Variants in CYP4Z1 observed in about 807,000 individuals in gnomAD.
The protein encoded by CYP4Z1 is cytochrome P450 family 4 subfamily Z member 1.
Under a neutral mutation model 54.2 loss-of-function variants are expected in CYP4Z1, and 41 were observed. The observed-to-expected ratio is 0.76, with a 90% CI of 0.59 to 0.98. The LOEUF is 0.98. CYP4Z1 is among the 50% of genes least tolerant of loss of function. The pLI is 0.00. For synonymous variants in CYP4Z1, 163 were observed against 206.2 expected (o/e 0.79, Z 1.79); for missense variants, 513 against 599.0 (o/e 0.86, Z 1.50).
chr1:47,082,230 A>C, intron 3 of CYP4Z1, 104 bp from the exon 4 acceptor site: 1 of 1,403,626 alleles, frequency 7.1e-7, no homozygotes, highest in Non-Finnish European at 9.6e-7. Flanking sequence ...TGTCCACTCT[A>C]ACTTTTCTCC....
chr1:47,113,583 A>G (rs1194183772), intron 9 of CYP4Z1, among the ~76,000 whole-genome samples: 1 of 152,232 alleles, frequency 6.6e-6, no homozygotes, highest in Non-Finnish European at 1.5e-5. Flanking sequence ...TATGAAATCT[A>G]TGAATAGATG....
At chr1:47,115,270 G>C (rs566916723) in intron 9 of CYP4Z1, among the ~76,000 whole-genome samples, 1 of 152,162 alleles carries the variant, frequency 6.6e-6, no homozygotes, top group Admixed American at 6.5e-5. Flanking sequence ...CACAGGAAGG[G>C]GAACATCACA....
At chr1:47,104,519 A>G (rs1300902560) in intron 8 of CYP4Z1, among the ~76,000 whole-genome samples, 2 of 152,194 alleles carry the variant, frequency 1.3e-5, no homozygotes, top group African/African-American at 4.8e-5. Context: ...ATGTCGGACA[A>G]CCTGCTTGAT....
At chr1:47,074,505 G>C (rs1211708849) in intron 2 of CYP4Z1, among the ~76,000 whole-genome samples, 1 of 152,104 alleles carries the variant, frequency 6.6e-6, no homozygotes, top group Non-Finnish European at 1.5e-5. Context: ...TTCCCCCTTT[G>C]GTACATTTTT....
chr1:47,078,203 T>C (rs1048437023), intron 2 of CYP4Z1, among the ~76,000 whole-genome samples: 2 of 152,182 alleles, frequency 1.3e-5, no homozygotes, highest in Non-Finnish European at 2.9e-5. Context: ...ACAGGTCTCT[T>C]AGGACCATTT....
intron 6 of CYP4Z1, among the ~76,000 whole-genome samples, chr1:47,087,063 TG>T (rs1480560532): frequency 6.6e-6 from 1 of 152,220 alleles, no homozygotes; most frequent in Non-Finnish European, 1.5e-5. Flanking sequence ...ATCTCTGTTT[TG>T]GTACCAGTAT....
intron 9 of CYP4Z1, among the ~76,000 whole-genome samples, chr1:47,112,561 A>G (rs1016479432): frequency 1.3e-5 from 2 of 152,210 alleles, no homozygotes; most frequent in African/African-American, 4.8e-5. Context: ...GATAAAAATC[A>G]CTTATGTATA....
Position 47,084,502 on chromosome 1 carries a change from A to G in CYP4Z1, c.493-118A>G, listed in dbSNP as rs562695695. ...TTATATGGTTGTCATAATAAGGCAA[A>G]TTCATTTTGTACGCTTTATATTTTC... On this transcript the variant is annotated intron_variant, in intron 4 of 11. Transcript: ENST00000334194. The G allele has an allele frequency of 1.4e-5, 20 of 1,437,122 alleles. No homozygotes were observed. The African/African-American group carries it at 2.6e-4, about 19-fold the overall frequency. The allele number at this position is 1,437,122 out of a possible 1,614,324, so 89.0% of individuals were successfully genotyped here.
intron 6 of CYP4Z1, among the ~76,000 whole-genome samples, chr1:47,090,546 G>A (rs752840907): frequency 6.4e-4 from 98 of 152,310 alleles, no homozygotes; most frequent in Admixed American, 6.3e-3. Flanking sequence ...GCAAATATGC[G>A]TTAAAAAGAG....
chr1:47,089,053 C>T (rs938681635), intron 6 of CYP4Z1, among the ~76,000 whole-genome samples: 5 of 149,398 alleles, frequency 3.3e-5, no homozygotes, highest in Admixed American at 1.3e-4. Context: ...TTCAACATGC[C>T]GTGTAACTAT....
the CYP4Z1 span, among the ~76,000 whole-genome samples, chr1:47,062,017 T>C: frequency 6.6e-6 from 1 of 152,218 alleles, no homozygotes; most frequent in Non-Finnish European, 1.5e-5. Flanking sequence ...AAACTATGTA[T>C]TGAGGAACAT....
At chr1:47,065,069 AAC>A (rs1176493689), upstream of CYP4Z1, among the ~76,000 whole-genome samples, 17 of 152,178 alleles carry the variant, frequency 1.1e-4, no homozygotes, top group Admixed American at 1.1e-3. Flanking sequence ...GATAAACAAC[AAC>A]ACAATAATAG....
intron 9 of CYP4Z1, among the ~76,000 whole-genome samples, chr1:47,113,687 C>G (rs987950332): frequency 3.3e-5 from 5 of 152,206 alleles, no homozygotes; most frequent in Non-Finnish European, 5.9e-5. Flanking sequence ...AGCGAACTCC[C>G]ATTCACAATT....
At chr1:47,055,766 T>A in the CYP4Z1 span, among the ~76,000 whole-genome samples, 1 of 152,284 alleles carries the variant, frequency 6.6e-6, no homozygotes. Context: ...GGTGGTGATA[T>A]CCCCTTTATC....
intron 2 of CYP4Z1, among the ~76,000 whole-genome samples, chr1:47,069,877 C>T (rs1644479428): frequency 7.7e-6 from 1 of 129,090 alleles, no homozygotes; most frequent in South Asian, 3.0e-4. Context: ...TTTTCTCTTA[C>T]TGTTTTGTTT....
chr1:47,099,017 G>C, intron 7 of CYP4Z1, 77 bp from the exon 8 acceptor site: 1 of 1,487,482 alleles, frequency 6.7e-7, no homozygotes, highest in Non-Finnish European at 9.3e-7. Context: ...TAATCTTTTT[G>C]TATTATCATT....
chr1:47,057,082 G>A, the CYP4Z1 span, among the ~76,000 whole-genome samples: 1 of 151,644 alleles, frequency 6.6e-6, no homozygotes, highest in Admixed American at 6.6e-5. Flanking sequence ...CATGTTTAGT[G>A]CTTCCTTCAG....
chr1:47,099,808 T>A (rs1644706940), intron 8 of CYP4Z1, among the ~76,000 whole-genome samples: 1 of 152,230 alleles, frequency 6.6e-6, no homozygotes, highest in Non-Finnish European at 1.5e-5. Context: ...ACTGATCATG[T>A]TTTAAAAACT....
chr1:47,106,147 C>G lies in CYP4Z1; in HGVS notation c.1087C>G (p.Pro363Ala). 2 of 1,613,918 alleles carry G rather than the reference C, an allele frequency of 1.2e-6. No individual in the cohort carries two copies. The highest frequency in any genetic ancestry group is 1.7e-6 in the Non-Finnish European group (2 of 1,179,900). ...SITWEHLSQMPYTTMCIKECL... is the reference protein window; with the variant it reads ...SITWEHLSQMAYTTMCIKECL... Reference sequence around the variant, plus strand: ...ACCCAGGGAACACCTGAGCCAGATGCCTTACACCACGATGTGCATCAAGGA... The same window carrying G: ...ACCCAGGGAACACCTGAGCCAGATGGCTTACACCACGATGTGCATCAAGGA... Residue 363 changes from proline to alanine, a missense_variant, in exon 9 of 12, where the codon CCT (proline) becomes GCT (alanine). By Grantham distance (27) the Pro-to-Ala change is conservative. Coordinates refer to ENST00000334194, the MANE Select transcript of CYP4Z1 (RefSeq NM_178134.3).
Sources: allele counts gnomAD v4.1 joint callset (sites outside exome capture counted in the v4.1 genomes callset), GRCh38; gene constraint gnomAD v4.1.1; transcripts MANE v1.5; gene names NCBI Gene and HGNC (gene_info 2026-07-23, HGNC 2026-07-21).